The following MOB3B variants were observed in gnomAD, a reference collection of about 807,000 sequenced individuals.
MOB3B encodes MOB kinase activator 3B.
In MOB3B, 7 loss-of-function variants were observed where a neutral mutation model predicts 18.7. The observed-to-expected ratio is 0.37, with a 90% CI of 0.21 to 0.70. MOB3B has a LOEUF of 0.70. Among genes scored for constraint, MOB3B ranks in the 30% least tolerant of loss-of-function variants. MOB3B has a pLI of 0.52. For missense variants in MOB3B, 253 were observed against 281.3 expected (o/e 0.90, Z 0.72); for synonymous variants, 111 against 99.9 (o/e 1.11, Z -0.66).
At chr9:27,345,965 A>G (rs7856767) in intron 3 of MOB3B, among the ~76,000 whole-genome samples, 17,623 of 152,164 alleles carry the variant, frequency 0.12, 2,674 homozygotes, top group African/African-American at 0.35. Flanking sequence ...AGCAAATACC[A>G]TGCTATAATT....
At chr9:27,355,264 G>C (rs1821168355) in intron 3 of MOB3B, among the ~76,000 whole-genome samples, 1 of 152,130 alleles carries the variant, frequency 6.6e-6, no homozygotes, top group Non-Finnish European at 1.5e-5. Flanking sequence ...GAAAGATGAG[G>C]TGGTGGGGGG....
At chr9:27,406,958 C>A (rs1215955546) in intron 2 of MOB3B, among the ~76,000 whole-genome samples, 2 of 152,056 alleles carry the variant, frequency 1.3e-5, no homozygotes, top group Admixed American at 1.3e-4. Flanking sequence ...CCTGCCTCAG[C>A]CTCCTGAGTA....
intron 2 of MOB3B, among the ~76,000 whole-genome samples, chr9:27,438,654 G>A (rs1388709499): frequency 6.6e-6 from 1 of 152,190 alleles, no homozygotes; most frequent in African/African-American, 2.4e-5. Context: ...TCAAAGGGCA[G>A]CTGCTGGATA....
At chr9:27,435,648 G>A (rs1395416154) in intron 2 of MOB3B, among the ~76,000 whole-genome samples, 1 of 152,024 alleles carries the variant, frequency 6.6e-6, no homozygotes. Context: ...CTCCCAGGCT[G>A]GAGTGCAGTG....
chr9:27,493,378 C>T (rs1436041588), intron 1 of MOB3B, among the ~76,000 whole-genome samples: 2 of 152,186 alleles, frequency 1.3e-5, no homozygotes, highest in African/African-American at 2.4e-5. Flanking sequence ...TGGTGGCTCA[C>T]ACCTGTAATC....
chr9:27,501,874 G>C (rs1230522164), intron 1 of MOB3B, among the ~76,000 whole-genome samples: 1 of 151,748 alleles, frequency 6.6e-6, no homozygotes, highest in African/African-American at 2.4e-5. Context: ...GTAGACTTTT[G>C]TTTACTTGAC....
At chr9:27,500,620 C>T (rs1023544983) in intron 1 of MOB3B, among the ~76,000 whole-genome samples, 1 of 152,052 alleles carries the variant, frequency 6.6e-6, no homozygotes, top group Admixed American at 6.5e-5. Flanking sequence ...AAGACTTAAA[C>T]ATTAGACCTA....
chr9:27,413,427 C>G (rs746877976), intron 2 of MOB3B, among the ~76,000 whole-genome samples: 1 of 152,042 alleles, frequency 6.6e-6, no homozygotes, highest in Non-Finnish European at 1.5e-5. Flanking sequence ...AAGGGAGGAC[C>G]ACTGCACTGA....
rs993888058 is a variant in MOB3B at position 27,473,724 on chromosome 9, C to A, written c.-198-17976G>T. On this transcript the variant is annotated intron_variant, in intron 1 of 3. Transcript: ENST00000262244. ...GCACTCTCCCCAGTTCCACACACAC[C>A]CCACCTTGCTCACAAGCAGAAGGGG... Among the ~76,000 whole-genome samples, 30 of 152,062 alleles carry A rather than the reference C, an allele frequency of 2.0e-4. 1 individual carries two copies. The highest frequency in any genetic ancestry group is 5.9e-5 in the Non-Finnish European group (4 of 68,026).
chr9:27,376,296 T>A (rs1821489104), intron 2 of MOB3B, among the ~76,000 whole-genome samples: 1 of 152,176 alleles, frequency 6.6e-6, no homozygotes, highest in Admixed American at 6.5e-5. Flanking sequence ...TTCTTAGGAG[T>A]GGACTAAATC....
chr9:27,513,683 C>T (rs1424252130), intron 1 of MOB3B, among the ~76,000 whole-genome samples: 2 of 152,202 alleles, frequency 1.3e-5, no homozygotes, highest in African/African-American at 4.8e-5. Flanking sequence ...GACTGCTCTT[C>T]ACCCTTCAGG....
chr9:27,516,928 G>T (rs1268078459), intron 1 of MOB3B, among the ~76,000 whole-genome samples: 1 of 152,116 alleles, frequency 6.6e-6, no homozygotes, highest in Non-Finnish European at 1.5e-5. Flanking sequence ...AAAGCAACTT[G>T]TCTATAACAG....
intron 3 of MOB3B, among the ~76,000 whole-genome samples, chr9:27,347,685 A>G (rs1311460727): frequency 1.3e-5 from 2 of 152,348 alleles, no homozygotes; most frequent in African/African-American, 4.8e-5. Flanking sequence ...TGCCAGTCCT[A>G]CAAGCTCCAT....
At chr9:27,339,840 G>C (rs960484092) in intron 3 of MOB3B, among the ~76,000 whole-genome samples, 1 of 152,252 alleles carries the variant, frequency 6.6e-6, no homozygotes, top group Non-Finnish European at 1.5e-5. Context: ...CGGGAGTAGG[G>C]ACTCGGCTGG....
intron 2 of MOB3B, among the ~76,000 whole-genome samples, chr9:27,360,836 C>A (rs1821264329): frequency 1.3e-5 from 2 of 152,182 alleles, no homozygotes; most frequent in Admixed American, 1.3e-4. Flanking sequence ...CAAATGAACC[C>A]AGGGAGAAGT....
intron 1 of MOB3B, chr9:27,524,329 CA>C (rs57924454): frequency 2.2e-5 from 35 of 1,600,352 alleles, no homozygotes; most frequent in Admixed American, 1.4e-4. Context: ...TTTTAGCTTG[CA>C]AAAAAAATGA....
intron 2 of MOB3B, among the ~76,000 whole-genome samples, chr9:27,371,864 G>C (rs189106901): frequency 1.3e-5 from 2 of 151,900 alleles, no homozygotes; most frequent in East Asian, 3.9e-4. Flanking sequence ...AAACCTCCCC[G>C]TGGTTAAATT....
chr9:27,488,463 A>G (rs768385515), intron 1 of MOB3B, among the ~76,000 whole-genome samples: 13 of 152,142 alleles, frequency 8.5e-5, no homozygotes, highest in Non-Finnish European at 1.3e-4. Flanking sequence ...GCTGGAGTGC[A>G]GTGGTGCAAT....
chr9:27,367,605 A>G (rs994986743), intron 2 of MOB3B, among the ~76,000 whole-genome samples: 1 of 152,210 alleles, frequency 6.6e-6, no homozygotes, highest in African/African-American at 2.4e-5. Context: ...TCATGAGACC[A>G]CAAGGACTAA....
Sources: gnomAD v4.1 joint callset for allele counts (sites outside exome capture counted in the v4.1 genomes callset) on GRCh38, gnomAD v4.1.1 for gene constraint, MANE v1.5 for transcripts, NCBI Gene and HGNC (gene_info 2026-07-23, HGNC 2026-07-21) for gene names.